METTL25: variants seen among roughly 807,000 people sequenced by gnomAD.
METTL25 encodes the protein probable methyltransferase-like protein 25.
In METTL25, 64 loss-of-function variants were observed where a neutral mutation model predicts 71.6. That is an observed-to-expected ratio of 0.89 (90% CI 0.73 to 1.10). METTL25 has a LOEUF of 1.10. Among genes scored for constraint, METTL25 ranks in the 50% least tolerant of loss-of-function variants. METTL25 has a pLI of 0.00. For synonymous variants in METTL25, 287 were observed against 250.3 expected (o/e 1.15, Z -1.38); for missense variants, 807 against 707.0 (o/e 1.14, Z -1.60).
In METTL25 at chr12:82,443,895, C is replaced by G. The variant is rs1264177291; in HGVS notation, c.1478+5104C>G. On this transcript the variant is annotated intron_variant, in intron 8 of 11. Coordinates refer to ENST00000248306, the MANE Select transcript of METTL25 (RefSeq NM_032230.3). ...GTCTGCCCCTATGGCCTAAACTTTT[C>G]CCATTAGGCCCCACCTCCAACATTG... Among the ~76,000 whole-genome samples the G allele has an allele frequency of 2.6e-5, 4 of 152,242 alleles. No homozygotes were observed. The East Asian group carries it at 7.7e-4, about 29-fold the overall frequency.
chr12:82,444,872 A>G (rs986154929), intron 8 of METTL25, among the ~76,000 whole-genome samples: 5 of 152,180 alleles, frequency 3.3e-5, no homozygotes, highest in African/African-American at 9.7e-5. Context: ...AAAAGTACAG[A>G]GATGGAAGAA....
rs761653931 is a variant in METTL25, at chr12:82,430,934, T to A, written c.1321T>A (p.Leu441Ile). The change falls in exon 6 of 12, where the codon TTA (leucine) becomes ATA (isoleucine). Residue 441 changes from leucine to isoleucine, a missense_variant. Transcript: ENST00000248306. ...GTGGGGATTTCCAATGTGCCACTAT[T>A]TAAAGGAAGAGAGATGGTGCTGTGG... ...EKWGFPMCHY[L>I]KEERWCCGRN... 33 of 1,603,148 alleles carry A rather than the reference T, an allele frequency of 2.1e-5. No individual in the cohort carries two copies. Among genetic ancestry groups the A allele is most frequent in the Non-Finnish European group, 2.8e-5 (33 of 1,173,592 alleles).
intron 1 of METTL25, among the ~76,000 whole-genome samples, chr12:82,382,712 A>G (rs1390269996): frequency 6.6e-6 from 1 of 152,092 alleles, no homozygotes; most frequent in East Asian, 1.9e-4. Context: ...ATGACTTTTT[A>G]ATTTCTTAAA....
chr12:82,372,772 G>A (rs1883374692), intron 1 of METTL25, among the ~76,000 whole-genome samples: 2 of 152,270 alleles, frequency 1.3e-5, no homozygotes, highest in South Asian at 4.1e-4. Context: ...AAAACCGCCT[G>A]TGATTTTGGT....
At chr12:82,424,836 G>T (rs1267614855) in intron 5 of METTL25, among the ~76,000 whole-genome samples, 13 of 151,990 alleles carry the variant, frequency 8.6e-5, no homozygotes, top group Admixed American at 8.5e-4. Context: ...GTGAAGACAG[G>T]TAGAAAATGA....
chr12:82,429,636 T>C (rs186562060), intron 5 of METTL25, among the ~76,000 whole-genome samples: 1 of 151,654 alleles, frequency 6.6e-6, no homozygotes, highest in Non-Finnish European at 1.5e-5. Context: ...CTCCATGCTG[T>C]TTTTCATATG....
chr12:82,400,329 C>T (rs1033059244), intron 4 of METTL25, among the ~76,000 whole-genome samples: 2 of 139,634 alleles, frequency 1.4e-5, no homozygotes, highest in East Asian at 2.0e-4. Context: ...GAGACGGTGT[C>T]CCCCCCAACA....
chr12:82,450,489 T>C (rs1472284505), intron 8 of METTL25, among the ~76,000 whole-genome samples: 1 of 152,192 alleles, frequency 6.6e-6, no homozygotes, highest in Admixed American at 6.6e-5. Context: ...AATAATTTCC[T>C]AGTTGGTCTC....
At chr12:82,369,708 T>G (rs968121074) in intron 1 of METTL25, 3 of 243,294 alleles carry the variant, frequency 1.2e-5, no homozygotes, top group Admixed American at 1.1e-4. Context: ...CCAGCTTTTA[T>G]TCCCTTATTT....
Position 82,434,687 on chromosome 12 carries a change from C to A in METTL25, c.1375-8C>A. The A allele has an allele frequency of 6.2e-7, 1 of 1,608,118 alleles. No individual in the cohort carries two copies. Among genetic ancestry groups the A allele is most frequent in the South Asian group, 1.1e-5 (1 of 90,912 alleles). On this transcript the variant is annotated splice_region_variant and splice_polypyrimidine_tract_variant and intron_variant, in intron 6 of 11. Transcript: ENST00000248306. ...ATCAACAATCTGTCTTGTTTTTTTC[C>A]CTTTAAGGCATTGGAGCGGGTTGCA...
Position 82,389,925 on chromosome 12 carries a change from A to G in METTL25, c.531+3A>G. The stretch of plus-strand genomic sequence containing the variant: ...CTGACTACTATGGAATAAAGCAGGT[A>G]AGAGTATTTCCGTATGTTTTTAGGT... On this transcript the variant is annotated splice_donor_region_variant and intron_variant, in intron 3 of 11. Transcript: ENST00000248306. 1 of 1,486,578 alleles carries G rather than the reference A, an allele frequency of 6.7e-7. No individual in the cohort carries two copies. The highest frequency in any genetic ancestry group is 9.4e-7 in the Non-Finnish European group (1 of 1,069,120). 92.1% of individuals were successfully genotyped at this position (1,486,578 alleles called of 1,614,324 possible). A position where few individuals can be genotyped will look rare whatever the true frequency, so the allele number is the denominator to read the frequency against.
At chr12:82,447,377 C>T (rs1038266030) in intron 8 of METTL25, among the ~76,000 whole-genome samples, 14 of 152,114 alleles carry the variant, frequency 9.2e-5, no homozygotes, top group African/African-American at 3.4e-4. Context: ...AATTGTATTA[C>T]ATTCATGTAT....
intron 1 of METTL25, among the ~76,000 whole-genome samples, chr12:82,371,956 T>C (rs1055927290): frequency 6.6e-6 from 1 of 152,198 alleles, no homozygotes; most frequent in Non-Finnish European, 1.5e-5. Flanking sequence ...TCCCAGTGGA[T>C]CCATACTGGG....
At chr12:82,467,250 G>A (rs914436647) in intron 9 of METTL25, among the ~76,000 whole-genome samples, 9 of 151,874 alleles carry the variant, frequency 5.9e-5, no homozygotes, top group Non-Finnish European at 1.2e-4. Flanking sequence ...ATTGTTTTCT[G>A]GTTGTTTTTT....
At position 82,358,742 on chromosome 12, in the gene METTL25, G is replaced by C. The variant is rs202074644; in HGVS notation, c.177G>C (p.Leu59=). 8.1e-6 allele frequency: 13 copies of C among 1,614,140 alleles called. No individual in the cohort carries two copies. The African/African-American group carries it at 1.5e-4, about 18-fold the overall frequency. The change falls in exon 1 of 12, where the codon CTG becomes CTC. Residue 59 remains leucine, a synonymous_variant. Coordinates refer to ENST00000248306, the MANE Select transcript of METTL25 (RefSeq NM_032230.3). ...TCGACTTGCCACCGGAGACAGTGCTGGCTGCGCTGAGGAAGTCAGCGTCGG... is the reference window on the plus strand; with the variant it reads ...TCGACTTGCCACCGGAGACAGTGCTCGCTGCGCTGAGGAAGTCAGCGTCGG... ...ELVDLPPETV[L]AALRKSASET... is the part of the protein sequence containing the mutation.
chr12:82,360,345 A>G (rs926616219), intron 1 of METTL25, among the ~76,000 whole-genome samples: 10 of 152,072 alleles, frequency 6.6e-5, no homozygotes, highest in African/African-American at 2.4e-4. Flanking sequence ...CAGCCTTGCA[A>G]GATAGGTTCT....
Position 82,477,336 on chromosome 12 carries a change from G to A in METTL25, c.1703G>A (p.Cys568Tyr). ...ACTTTGATTCTTCTGGATCGACTTT[G>A]TTACCTGAAAGAGCAGGTAAATTAT... Reference protein sequence around the residue: ...IETLILLDRLCYLKEQEDIAW... With the variant: ...IETLILLDRLYYLKEQEDIAW... Residue 568 changes from cysteine to tyrosine, a missense_variant, in exon 11 of 12, where the codon TGT becomes TAT. Transcript: ENST00000248306. 6.4e-7 allele frequency: 1 copy of A among 1,554,988 alleles called. No homozygotes were observed. Among genetic ancestry groups the A allele is most frequent in the Non-Finnish European group, 8.7e-7 (1 of 1,147,110 alleles).
intron 1 of METTL25, among the ~76,000 whole-genome samples, chr12:82,362,590 C>G (rs1419256308): frequency 6.6e-6 from 1 of 152,162 alleles, no homozygotes; most frequent in African/African-American, 2.4e-5. Flanking sequence ...AGGACATCCT[C>G]ACATAAAACT....
intron 5 of METTL25, among the ~76,000 whole-genome samples, chr12:82,414,680 T>G (rs1887820627): frequency 6.6e-6 from 1 of 152,180 alleles, no homozygotes. Context: ...GAAAGCAAAG[T>G]TGACAAATTC....
Sources: allele counts gnomAD v4.1 joint callset (sites outside exome capture counted in the v4.1 genomes callset), GRCh38; gene constraint gnomAD v4.1.1; transcripts MANE v1.5; gene names NCBI Gene and HGNC (gene_info 2026-07-23, HGNC 2026-07-21).